Variants in GRIA2 observed in about 807,000 individuals in gnomAD.
GRIA2 encodes glutamate ionotropic receptor AMPA type subunit 2, also known as glutamate receptor 2.
A neutral mutation model predicts 97.3 loss-of-function variants in GRIA2; 14 were observed. The ratio of observed to expected loss-of-function variants is 0.14; its 90% CI spans 0.10 to 0.23. GRIA2 has a LOEUF of 0.23. Among genes scored for constraint, GRIA2 ranks in the 10% least tolerant of loss-of-function variants. GRIA2 has a pLI of 1.00. For synonymous variants in GRIA2, 412 were observed against 387.8 expected (o/e 1.06, Z -0.73); for missense variants, 558 against 1,069.8 (o/e 0.52, Z 6.67).
At chr4:157,295,559 G>A (rs1733308688) in intron 2 of GRIA2, among the ~76,000 whole-genome samples, 1 of 152,086 alleles carries the variant, frequency 6.6e-6, no homozygotes, top group Non-Finnish European at 1.5e-5. Flanking sequence ...GTAAAGGGTA[G>A]ACTTTTAAAG....
intron 2 of GRIA2, among the ~76,000 whole-genome samples, chr4:157,274,170 C>T (rs1732168844): frequency 6.6e-6 from 1 of 151,802 alleles, no homozygotes; most frequent in African/African-American, 2.4e-5. Context: ...CCCAGACAAA[C>T]AAAACCTGAG....
At chr4:157,318,801 C>G (rs1734434842) in intron 5 of GRIA2, among the ~76,000 whole-genome samples, 1 of 152,126 alleles carries the variant, frequency 6.6e-6, no homozygotes, top group Non-Finnish European at 1.5e-5. Context: ...GGGAGAGAGG[C>G]AGAGAGCTTA....
intron 2 of GRIA2, among the ~76,000 whole-genome samples, chr4:157,279,209 T>C (rs1732485123): frequency 6.6e-6 from 1 of 152,176 alleles, no homozygotes; most frequent in Non-Finnish European, 1.5e-5. Context: ...AACCAAGATG[T>C]CCTTCAGTAG....
chr4:157,303,464 T>C (rs1186162505), intron 2 of GRIA2, 88 bp from the exon 3 acceptor site: 1 of 1,054,094 alleles, frequency 9.5e-7, no homozygotes, highest in African/African-American at 1.6e-5. Flanking sequence ...TTGTATTTTA[T>C]GTAAAAGGAC....
chr4:157,244,115 G>T lies in GRIA2; in HGVS notation c.229+22308G>T, dbSNP rs189758918. Among the ~76,000 whole-genome samples the T allele has an allele frequency of 5.8e-4, 88 of 152,082 alleles. No individual in the cohort carries two copies. The East Asian group carries it at 0.01, about 18-fold the overall frequency. On this transcript the variant is annotated intron_variant, in intron 2 of 15. Coordinates refer to ENST00000264426, the MANE Select transcript of GRIA2 (RefSeq NM_001083619.3). ...GATGAGAACCAGCTGGACATATGAA[G>T]AGTTGGGGAAAGAGCATCCCTGGTA...
intron 2 of GRIA2, among the ~76,000 whole-genome samples, chr4:157,236,971 G>A (rs1019531130): frequency 1.3e-5 from 2 of 152,078 alleles, no homozygotes; most frequent in Non-Finnish European, 2.9e-5. Flanking sequence ...GACAATTTCA[G>A]TTCATGATTT....
chr4:157,350,220 A>G (rs886073877), intron 12 of GRIA2, among the ~76,000 whole-genome samples: 1 of 152,160 alleles, frequency 6.6e-6, no homozygotes, highest in African/African-American at 2.4e-5. Flanking sequence ...GGAGAGAACT[A>G]TCATCTCTTT....
chr4:157,303,647 G>T lies in GRIA2; in HGVS notation c.325G>T (p.Val109Phe), dbSNP rs1288947426. 10 of 1,613,832 alleles carry T rather than the reference G, an allele frequency of 6.2e-6. No homozygotes were observed. The highest frequency in any genetic ancestry group is 2.7e-5 in the African/African-American group (2 of 74,858). ...TITSFCGTLH[V>F]SFITPSFPTD... ...CACATCATTTTGCGGAACACTCCAC[G>T]TCTCCTTCATCACTCCCAGCTTCCC... Residue 109 changes from valine (V) to phenylalanine (F), a missense_variant, in exon 3 of 16, where the codon GTC becomes TTC. Coordinates refer to ENST00000264426, the MANE Select transcript of GRIA2 (RefSeq NM_001083619.3).
At chr4:157,359,314 T>C (rs532131686) in intron 12 of GRIA2, among the ~76,000 whole-genome samples, 1 of 152,320 alleles carries the variant, frequency 6.6e-6, no homozygotes, top group Non-Finnish European at 1.5e-5. Flanking sequence ...AAGAAAAAAG[T>C]CCTGTTTAAT....
Position 157,298,421 on chromosome 4 carries a change from T to G in GRIA2, c.230-5131T>G, listed in dbSNP as rs1350056072. On this transcript the variant is annotated intron_variant, in intron 2 of 15. Coordinates refer to ENST00000264426, the MANE Select transcript of GRIA2 (RefSeq NM_001083619.3). Reference sequence around the variant, plus strand: ...GCAAGAAGGTCATTATTCTGAACTATTGCATATAAATGATGGCAATAGTTA... The same window carrying G: ...GCAAGAAGGTCATTATTCTGAACTAGTGCATATAAATGATGGCAATAGTTA... Among the ~76,000 whole-genome samples, 4 of 151,972 alleles carry G rather than the reference T, an allele frequency of 2.6e-5. No individual in the cohort carries two copies. The East Asian group carries it at 7.7e-4, about 29-fold the overall frequency.
chr4:157,266,216 G>A (rs766170561), intron 2 of GRIA2, among the ~76,000 whole-genome samples: 1 of 152,122 alleles, frequency 6.6e-6, no homozygotes, highest in Non-Finnish European at 1.5e-5. Flanking sequence ...GCAATCAAAT[G>A]TATGGTCTGG....
chr4:157,301,367 G>A (rs2126860958), intron 2 of GRIA2, among the ~76,000 whole-genome samples: 1 of 152,278 alleles, frequency 6.6e-6, no homozygotes. Flanking sequence ...GTATGGGCAT[G>A]AATAAAAGAC....
At chr4:157,324,917 A>G (rs1734739173) in intron 6 of GRIA2, among the ~76,000 whole-genome samples, 1 of 152,150 alleles carries the variant, frequency 6.6e-6, no homozygotes, top group Admixed American at 6.5e-5. Context: ...ATTATTAACA[A>G]TGAGGTTATG....
intron 2 of GRIA2, among the ~76,000 whole-genome samples, chr4:157,290,306 A>G (rs2126833942): frequency 6.6e-6 from 1 of 152,018 alleles, no homozygotes; most frequent in African/African-American, 2.4e-5. Flanking sequence ...AAATCCTATC[A>G]AATCAGTATA....
At chr4:157,220,701 G>T (rs1250991260), upstream of GRIA2, 2 of 332,996 alleles carry the variant, frequency 6.0e-6, no homozygotes, top group Non-Finnish European at 1.1e-5. Flanking sequence ...AGAGAGGAGA[G>T]AGGGAGAAGA....
intron 12 of GRIA2, among the ~76,000 whole-genome samples, chr4:157,347,412 A>G (rs896301912): frequency 6.6e-6 from 1 of 152,000 alleles, no homozygotes; most frequent in Non-Finnish European, 1.5e-5. Context: ...GAAGCTTTCT[A>G]TTATTGTCCA....
chr4:157,240,687 T>C (rs1044168671), intron 2 of GRIA2, among the ~76,000 whole-genome samples: 7 of 151,458 alleles, frequency 4.6e-5, no homozygotes, highest in African/African-American at 1.7e-4. Flanking sequence ...CTAGAGCACC[T>C]CCTTAAGTTA....
At chr4:157,235,407 G>A (rs1730198305) in intron 2 of GRIA2, among the ~76,000 whole-genome samples, 1 of 151,892 alleles carries the variant, frequency 6.6e-6, no homozygotes, top group African/African-American at 2.4e-5. Flanking sequence ...AGGTTAGCTA[G>A]ATGATTTTAT....
chr4:157,273,563 G>T (rs553705514), intron 2 of GRIA2, among the ~76,000 whole-genome samples: 7 of 151,920 alleles, frequency 4.6e-5, no homozygotes, highest in Non-Finnish European at 8.8e-5. Flanking sequence ...AAATACTAGA[G>T]GTCAAAAACA....
Sources: gnomAD v4.1 joint callset for allele counts (sites outside exome capture counted in the v4.1 genomes callset) on GRCh38, gnomAD v4.1.1 for gene constraint, MANE v1.5 for transcripts, NCBI Gene and HGNC (gene_info 2026-07-23, HGNC 2026-07-21) for gene names.